DGKB: variants seen among roughly 807,000 people sequenced by gnomAD.
DGKB encodes diacylglycerol kinase beta, also known as 90 kDa diacylglycerol kinase.
A neutral mutation model predicts 114.3 loss-of-function variants in DGKB; 67 were observed. The ratio of observed to expected loss-of-function variants is 0.59; its 90% CI spans 0.48 to 0.72. The LOEUF (loss-of-function observed/expected upper bound fraction) is 0.72. DGKB is among the 30% of genes least tolerant of loss of function. The pLI, the probability that DGKB is intolerant of heterozygous loss-of-function variation, is 0.00. For synonymous variants in DGKB, 398 were observed against 323.1 expected (o/e 1.23, Z -2.49); for missense variants, 907 against 975.2 (o/e 0.93, Z 0.93).
chr7:14,475,585 C>G (rs1782048127), intron 21 of DGKB, among the ~76,000 whole-genome samples: 1 of 152,116 alleles, frequency 6.6e-6, no homozygotes, highest in Admixed American at 6.6e-5. Context: ...GGTTCTTGAA[C>G]TCGCAATAGA....
chr7:14,805,044 A>T (rs544048159), intron 2 of DGKB, among the ~76,000 whole-genome samples: 1 of 152,150 alleles, frequency 6.6e-6, no homozygotes, highest in East Asian at 1.9e-4. Flanking sequence ...TTGATGTTTT[A>T]GGCACATTTT....
chr7:14,793,923 G>A lies in DGKB; in HGVS notation c.71-36192C>T, dbSNP rs1225140942. ...GGCCTGAGTAAGACAGAAGGTACAG[G>A]AAGAAAGAACTTGCTTCTTTTTGCT... On this transcript the variant is annotated intron_variant, in intron 2 of 25. Coordinates refer to ENST00000402815, the MANE Select transcript of DGKB (RefSeq NM_001350709.2). Among the ~76,000 whole-genome samples the A allele has an allele frequency of 4.6e-5, 7 of 152,072 alleles. No homozygotes were observed. In the East Asian group the frequency reaches 9.7e-4, roughly 21 times the overall value.
chr7:14,873,583 AATAAAG>A (rs1852802912), intron 1 of DGKB, among the ~76,000 whole-genome samples: 2 of 152,012 alleles, frequency 1.3e-5, no homozygotes, highest in African/African-American at 4.8e-5. Context: ...AAATCAAAAG[AATAAAG>A]ATAAATATTA....
Position 14,149,176 on chromosome 7 carries a change from T to G in DGKB, c.2367A>C (p.Leu789Phe). The change falls in exon 26 of 26, where the codon TTA becomes TTC. Residue 789 changes from leucine (L) to phenylalanine (F), a missense_variant. By Grantham distance (22) the Leu-to-Phe change is conservative (BLOSUM62 0). Around this residue, in one of 3 missense-constraint regions of DGKB, gnomAD observed 58 missense variants for 52.5 expected, o/e 1.10. Transcript: ENST00000402815. ...TTGTCCTTTTGACGAGGGAGCAGAA[T>G]AAACCGGTTTTTGGAGGCGGGCCCA... Reference protein sequence around the residue: ...MLMGPPPKTGLFCSLVKRTRN... With the variant: ...MLMGPPPKTGFFCSLVKRTRN... 1 of 1,613,584 alleles carries G rather than the reference T, an allele frequency of 6.2e-7. No individual in the cohort carries two copies.
chr7:14,327,623 C>T (rs1808976050), intron 23 of DGKB, among the ~76,000 whole-genome samples: 1 of 152,048 alleles, frequency 6.6e-6, no homozygotes, highest in African/African-American at 2.4e-5. Flanking sequence ...GATACAATTA[C>T]TGTCTTTTTA....
At chr7:14,903,190 C>T (rs1783387449), upstream of DGKB, 1 of 149,888 alleles carries the variant, frequency 6.7e-6, no homozygotes, top group Non-Finnish European at 1.5e-5. Context: ...TGTCAAGACG[C>T]GTTGATATTG....
chr7:14,339,835 T>C lies in DGKB; in HGVS notation c.1927-1125A>G, dbSNP rs892737559. Among the ~76,000 whole-genome samples the C allele has an allele frequency of 2.0e-5, 3 of 152,028 alleles. No individual in the cohort carries two copies. In the South Asian group the frequency reaches 6.2e-4, roughly 32 times the overall value. Reference sequence around the variant, plus strand: ...ATATTTACAGTGGCGTTGTTTCATTTGCCATGTCTTAGTACAGAAAAAATT... The same window carrying C: ...ATATTTACAGTGGCGTTGTTTCATTCGCCATGTCTTAGTACAGAAAAAATT... On this transcript the variant is annotated intron_variant, in intron 22 of 25. Coordinates refer to ENST00000402815, the MANE Select transcript of DGKB (RefSeq NM_001350709.2).
chr7:14,819,191 C>A (rs1319626972), intron 2 of DGKB, among the ~76,000 whole-genome samples: 1 of 152,090 alleles, frequency 6.6e-6, no homozygotes, highest in African/African-American at 2.4e-5. Flanking sequence ...GTGTGTATAA[C>A]CCTGCTGGAT....
At chr7:14,905,521 C>T (rs1783656584), upstream of DGKB, among the ~76,000 whole-genome samples, 1 of 152,230 alleles carries the variant, frequency 6.6e-6, no homozygotes, top group African/African-American at 2.4e-5. Context: ...GTTTATCATT[C>T]ATCAATCTAA....
upstream of DGKB, among the ~76,000 whole-genome samples, chr7:14,906,784 G>A (rs1235930549): frequency 3.9e-5 from 6 of 152,100 alleles, no homozygotes. Flanking sequence ...AGCACTGTAT[G>A]TAAACTGGTG....
intron 1 of DGKB, among the ~76,000 whole-genome samples, chr7:14,940,196 G>C (rs908387688): frequency 1.3e-5 from 2 of 152,076 alleles, no homozygotes; most frequent in African/African-American, 4.8e-5. Context: ...TTAATGAATG[G>C]CTTTATATGT....
At chr7:14,165,832 C>T (rs1784541865) in intron 25 of DGKB, among the ~76,000 whole-genome samples, 1 of 152,116 alleles carries the variant, frequency 6.6e-6, no homozygotes, top group African/African-American at 2.4e-5. Flanking sequence ...TGTGGAACTG[C>T]TAAAGAAAGC....
At chr7:14,839,349 G>A (rs141406121) in intron 2 of DGKB, among the ~76,000 whole-genome samples, 1 of 151,488 alleles carries the variant, frequency 6.6e-6, no homozygotes, top group African/African-American at 2.4e-5. Flanking sequence ...GTATAAGACT[G>A]CAAGTGATAA....
At chr7:14,935,271 A>G (rs988431821) in intron 1 of DGKB, among the ~76,000 whole-genome samples, 1 of 97,264 alleles carries the variant, frequency 1.0e-5, no homozygotes, top group Non-Finnish European at 1.8e-5. Context: ...TTTATCAAGG[A>G]GAAAAACATT....
chr7:14,323,987 G>C (rs1808282052), intron 23 of DGKB, among the ~76,000 whole-genome samples: 1 of 152,202 alleles, frequency 6.6e-6, no homozygotes. Flanking sequence ...AAAGTCTAGA[G>C]AAAATGTTTT....
chr7:14,556,963 C>A (rs1005958942), intron 20 of DGKB, among the ~76,000 whole-genome samples: 2 of 152,172 alleles, frequency 1.3e-5, no homozygotes, highest in African/African-American at 2.4e-5. Flanking sequence ...TCTCTTACTA[C>A]CTTTCTACAT....
intron 21 of DGKB, among the ~76,000 whole-genome samples, chr7:14,373,243 T>C (rs776156476): frequency 6.6e-6 from 1 of 152,204 alleles, no homozygotes; most frequent in Non-Finnish European, 1.5e-5. Flanking sequence ...TCATTGTTAT[T>C]TTGGGGCTGT....
intron 20 of DGKB, among the ~76,000 whole-genome samples, chr7:14,527,847 C>T (rs1308729268): frequency 6.6e-6 from 1 of 152,004 alleles, no homozygotes; most frequent in East Asian, 1.9e-4. Context: ...AAAAAACTAT[C>T]AATTCTTGCC....
chr7:14,704,140 A>G (rs1825712697), intron 6 of DGKB, among the ~76,000 whole-genome samples: 1 of 152,028 alleles, frequency 6.6e-6, no homozygotes, highest in Non-Finnish European at 1.5e-5. Flanking sequence ...TATAACATTT[A>G]GAAAATGTTT....
Sources: gnomAD v4.1 joint callset for allele counts (sites outside exome capture counted in the v4.1 genomes callset) on GRCh38, gnomAD v4.1.1 for gene constraint, gnomAD v4.1.1 regional missense constraint, MANE v1.5 for transcripts, NCBI Gene and HGNC (gene_info 2026-07-23, HGNC 2026-07-21) for gene names.